The following PTPRE variants were observed in gnomAD, a reference collection of about 807,000 sequenced individuals.
The protein encoded by PTPRE is receptor-type tyrosine-protein phosphatase epsilon.
A neutral mutation model predicts 102.0 loss-of-function variants in PTPRE; 51 were observed. The observed-to-expected ratio is 0.50, with a 90% CI of 0.40 to 0.63. The LOEUF is 0.63. Among genes scored for constraint, PTPRE ranks in the 30% least tolerant of loss-of-function variants. The pLI, the probability that PTPRE is intolerant of heterozygous loss-of-function variation, is 0.00. For missense variants in PTPRE, 752 were observed against 915.1 expected, an observed-to-expected ratio of 0.82 and a Z score of 2.30; for synonymous variants, 345 against 348.2, an observed-to-expected ratio of 0.99 and a Z score of 0.10.
chr10:128,039,024 G>C (rs939788573), intron 2 of PTPRE, among the ~76,000 whole-genome samples: 2 of 152,180 alleles, frequency 1.3e-5, no homozygotes, highest in Non-Finnish European at 2.9e-5. Flanking sequence ...ATTTGGAGAG[G>C]AGGGTTATTA....
chr10:127,999,770 A>AT, intron 2 of PTPRE: 2 of 985,430 alleles, frequency 2.0e-6, no homozygotes, highest in Non-Finnish European at 2.4e-6. Flanking sequence ...TTCTGGTGAC[A>AT]TAGTGTGAGT....
chr10:128,048,393 G>A (rs1038343983), intron 5 of PTPRE, among the ~76,000 whole-genome samples: 1 of 152,146 alleles, frequency 6.6e-6, no homozygotes, highest in South Asian at 2.1e-4. Context: ...ACGTGTGTAA[G>A]GCAGAGGCCA....
chr10:127,987,239 C>T (rs1009227252), intron 2 of PTPRE: 2 of 899,520 alleles, frequency 2.2e-6, no homozygotes, highest in South Asian at 2.5e-5. Context: ...GAAATAGGAA[C>T]ACAGATTTCC....
rs951355955 is a variant in PTPRE at position 128,008,997 on chromosome 10, T to C, written c.-8+26701T>C. Among the ~76,000 whole-genome samples, 3 of 152,164 alleles carry C rather than the reference T, an allele frequency of 2.0e-5. No individual in the cohort carries two copies. Among genetic ancestry groups the C allele is most frequent in the Non-Finnish European group, 4.4e-5 (3 of 68,028 alleles). On this transcript the variant is annotated intron_variant, in intron 2 of 20. Coordinates refer to ENST00000254667, the MANE Select transcript of PTPRE (RefSeq NM_006504.6). This position sits in a 1 kb window ranked among gnomAD's most constrained non-coding sequence, Gnocchi z 4.0. Reference sequence around the variant, plus strand: ...CAAATCTTACCAGGAGTGCACCTTGTCAGTCAGGGGTTGCTTGGAAACTCA... The same window carrying C: ...CAAATCTTACCAGGAGTGCACCTTGCCAGTCAGGGGTTGCTTGGAAACTCA...
intron 1 of PTPRE, among the ~76,000 whole-genome samples, chr10:127,911,109 A>G (rs544140047): frequency 2.6e-4 from 40 of 152,288 alleles, no homozygotes; most frequent in Non-Finnish European, 2.2e-4. Flanking sequence ...ATGAAGTTTG[A>G]ATGAATACAT....
intron 17 of PTPRE, among the ~76,000 whole-genome samples, chr10:128,075,572 C>T (rs1412195889): frequency 2.6e-5 from 4 of 152,058 alleles, no homozygotes; most frequent in Non-Finnish European, 5.9e-5. Flanking sequence ...AGCCAAAATG[C>T]TTCATTGAAG....
intron 10 of PTPRE, 53 bp from the exon 11 acceptor site, chr10:128,066,022 A>G (rs1590203464): frequency 6.2e-7 from 1 of 1,613,898 alleles, no homozygotes; most frequent in Admixed American, 1.7e-5. Context: ...GGGGGATGTC[A>G]TGATGCATTG....
intron 2 of PTPRE, among the ~76,000 whole-genome samples, chr10:128,021,382 T>A (rs997537383): frequency 6.6e-6 from 1 of 152,188 alleles, no homozygotes; most frequent in Non-Finnish European, 1.5e-5. Flanking sequence ...TCCTTAGCAC[T>A]GAGCAAACCG....
At chr10:128,064,005 C>T (rs1044803977) in intron 10 of PTPRE, among the ~76,000 whole-genome samples, 8 of 152,324 alleles carry the variant, frequency 5.3e-5, no homozygotes, top group South Asian at 2.1e-4. Context: ...CAGTGGGAGC[C>T]GTGTGTCCTG....
chr10:128,032,042 G>A (rs182782526), intron 2 of PTPRE, among the ~76,000 whole-genome samples: 103 of 152,212 alleles, frequency 6.8e-4, no homozygotes, highest in African/African-American at 2.4e-3. Flanking sequence ...TTGAAACAGA[G>A]TCTCTTTCCA....
intron 2 of PTPRE, among the ~76,000 whole-genome samples, chr10:128,010,571 C>CTTTTCTTTTCTT (rs1301208200): frequency 4.1e-5 from 6 of 146,578 alleles, no homozygotes; most frequent in African/African-American, 1.6e-4. Context: ...CTTTTCTTTT[C>CTTTTCTTTTCTT]TTTTCTTTTC....
At chr10:127,982,461 A>G (rs1851711577) in intron 2 of PTPRE, among the ~76,000 whole-genome samples, 165 bp downstream of exon 2, 1 of 151,262 alleles carries the variant, frequency 6.6e-6, no homozygotes, top group Non-Finnish European at 1.5e-5. Flanking sequence ...GAGCAGGCTC[A>G]TATCACACCT....
intron 1 of PTPRE, among the ~76,000 whole-genome samples, chr10:127,981,488 CTGT>C (rs1320663802): frequency 1.3e-5 from 2 of 149,860 alleles, no homozygotes; most frequent in Admixed American, 6.6e-5. Context: ...CTCAATAAAA[CTGT>C]TTTTTTTTAA....
chr10:128,030,386 T>G, intron 2 of PTPRE, among the ~76,000 whole-genome samples: 1 of 149,548 alleles, frequency 6.7e-6, no homozygotes, highest in African/African-American at 2.5e-5. Flanking sequence ...CCTCTGGGGG[T>G]AGAGGGAGGG....
At chr10:127,912,912 T>C (rs1157932261) in intron 1 of PTPRE, among the ~76,000 whole-genome samples, 1 of 152,204 alleles carries the variant, frequency 6.6e-6, no homozygotes, top group Non-Finnish European at 1.5e-5. Context: ...TTCCCTGCCA[T>C]GATTTTACTC....
At chr10:127,924,231 T>C (rs1403076589) in intron 1 of PTPRE, among the ~76,000 whole-genome samples, 1 of 152,134 alleles carries the variant, frequency 6.6e-6, no homozygotes. Flanking sequence ...TTGTTTGTTG[T>C]TGTTGTTGTT....
chr10:128,030,828 TC>T (rs556536699), intron 2 of PTPRE, among the ~76,000 whole-genome samples: 140 of 152,094 alleles, frequency 9.2e-4, no homozygotes, highest in African/African-American at 3.2e-3. Flanking sequence ...CTCCCTCACC[TC>T]CCCAGCCTCC....
chr10:128,076,596 C>A lies in PTPRE; in HGVS notation c.1600-7C>A. ...ACAAGACTTAAATTTTTATTTTATC[C>A]CCTAAGGATAAATGCTACCAGTATT... is the stretch of plus-strand genomic sequence containing the variant. On this transcript the variant is annotated splice_polypyrimidine_tract_variant and splice_region_variant and intron_variant, in intron 17 of 20. Transcript: ENST00000254667. 6.4e-7 allele frequency: 1 copy of A among 1,566,494 alleles called. No homozygotes were observed. The highest frequency in any genetic ancestry group is 1.2e-5 in the South Asian group (1 of 83,168).
rs780105475 is a variant in PTPRE, at chr10:127,956,831, G to A, written c.-30-25443G>A. The stretch of plus-strand genomic sequence containing the variant: ...ATTCCCTAAAGACAGATGATGATGA[G>A]CATCTTTATGTATGCTTATTTTCCA... On this transcript the variant is annotated intron_variant, in intron 1 of 20. Coordinates refer to ENST00000254667, the MANE Select transcript of PTPRE (RefSeq NM_006504.6). Among the ~76,000 whole-genome samples the A allele has an allele frequency of 1.1e-3, 167 of 152,150 alleles. 2 individuals carry two copies. The highest frequency in any genetic ancestry group is 2.4e-3 in the Admixed American group (37 of 15,270).
Sources: gnomAD v4.1 joint callset for allele counts (sites outside exome capture counted in the v4.1 genomes callset) on GRCh38, gnomAD v4.1.1 for gene constraint, Gnocchi (gnomAD v3.1) non-coding constraint, MANE v1.5 for transcripts, NCBI Gene and HGNC (gene_info 2026-07-23, HGNC 2026-07-21) for gene names.